The following CLSTN2 variants were observed in gnomAD, a reference collection of about 807,000 sequenced individuals.
CLSTN2 encodes calsyntenin 2.
In CLSTN2, 48 loss-of-function variants were observed where a neutral mutation model predicts 101.2. The ratio of observed to expected loss-of-function variants is 0.47; its 90% CI spans 0.38 to 0.60. The LOEUF is 0.60. CLSTN2 is among the 20% of genes least tolerant of loss of function. The probability of loss-of-function intolerance (pLI) is 0.00; values close to 1 mark genes in which losing one functional copy is unlikely to be tolerated. For missense variants in CLSTN2, 1,160 were observed against 1,238.2 expected (o/e 0.94, Z 0.95); for synonymous variants, 481 against 463.6 (o/e 1.04, Z -0.48).
chr3:139,964,425 A>G (rs1371684732), intron 1 of CLSTN2, among the ~76,000 whole-genome samples: 1 of 152,168 alleles, frequency 6.6e-6, no homozygotes, highest in Non-Finnish European at 1.5e-5. Context: ...AGAGTACATG[A>G]TGATATAAAG....
chr3:139,980,176 C>T (rs1935891244), intron 1 of CLSTN2, among the ~76,000 whole-genome samples: 1 of 152,084 alleles, frequency 6.6e-6, no homozygotes, highest in Non-Finnish European at 1.5e-5. Context: ...AACCTTAAAA[C>T]TCTATTGCCT....
chr3:140,273,236 A>G (rs373963367), intron 2 of CLSTN2, among the ~76,000 whole-genome samples: 24 of 152,214 alleles, frequency 1.6e-4, no homozygotes, highest in South Asian at 6.2e-4. Flanking sequence ...GGGCAGGGAG[A>G]GCATTAGGAC....
intron 2 of CLSTN2, among the ~76,000 whole-genome samples, chr3:140,225,217 AAAG>A (rs1386428697): frequency 6.6e-6 from 1 of 152,168 alleles, no homozygotes; most frequent in Non-Finnish European, 1.5e-5. Flanking sequence ...CTATCCCTGT[AAAG>A]AAGGACTCCT....
At chr3:140,061,859 T>A (rs1264811986) in intron 1 of CLSTN2, among the ~76,000 whole-genome samples, 2 of 152,184 alleles carry the variant, frequency 1.3e-5, no homozygotes, top group Non-Finnish European at 2.9e-5. Flanking sequence ...AAGAGTTAGC[T>A]AAAAGGTCAA....
At chr3:140,519,259 A>G (rs9847030) in intron 8 of CLSTN2, among the ~76,000 whole-genome samples, 1 of 152,216 alleles carries the variant, frequency 6.6e-6, no homozygotes, top group African/African-American at 2.4e-5. Flanking sequence ...TATGTGATCA[A>G]TTCTAGAGGA....
intron 2 of CLSTN2, among the ~76,000 whole-genome samples, chr3:140,294,249 G>C (rs2086982302): frequency 6.6e-6 from 1 of 152,020 alleles, no homozygotes; most frequent in African/African-American, 2.4e-5. Flanking sequence ...AACCTAACAG[G>C]GTAATTACAA....
At chr3:140,234,345 G>A (rs1017835064) in intron 2 of CLSTN2, among the ~76,000 whole-genome samples, 4 of 152,136 alleles carry the variant, frequency 2.6e-5, no homozygotes, top group African/African-American at 4.8e-5. Context: ...AGGCCATTGA[G>A]GGTAGGCTCT....
chr3:140,558,360 G>A (rs943368611), intron 11 of CLSTN2, among the ~76,000 whole-genome samples: 1 of 152,194 alleles, frequency 6.6e-6, no homozygotes, highest in Admixed American at 6.5e-5. Flanking sequence ...TGTTGTCATT[G>A]ATTTCTTTGT....
rs1369661344 is a variant in CLSTN2, at chr3:140,532,220, T to C, written c.1345-104T>C. On this transcript the variant is annotated intron_variant, in intron 8 of 16. Transcript: ENST00000458420. ...TTCCTTGAGTGCTTTGCAATAAAAA[T>C]TGTTGACCCAAAAATGTGTTGTTCT... 3.5e-6 allele frequency: 3 copies of C among 869,300 alleles called. No homozygotes were observed. In the Admixed American group the frequency reaches 7.8e-5, roughly 23 times the overall value. The allele number at this position is 869,300 out of a possible 1,614,324, so 53.8% of individuals were successfully genotyped here. A position where few individuals can be genotyped will look rare whatever the true frequency, so the allele number is the denominator to read the frequency against.
chr3:140,135,115 CACATAT>C (rs1435331899), intron 1 of CLSTN2, among the ~76,000 whole-genome samples: 8 of 52,054 alleles, frequency 1.5e-4, no homozygotes, highest in African/African-American at 4.9e-4. Flanking sequence ...CACACACACA[CACATAT>C]ATATATATAT....
intron 1 of CLSTN2, among the ~76,000 whole-genome samples, chr3:140,075,979 G>A (rs1412536972): frequency 6.6e-6 from 1 of 151,932 alleles, no homozygotes; most frequent in Admixed American, 6.6e-5. Context: ...AATATTCCCT[G>A]TGTGCAATAC....
chr3:139,957,092 C>A (rs1935419764), intron 1 of CLSTN2, among the ~76,000 whole-genome samples: 1 of 152,186 alleles, frequency 6.6e-6, no homozygotes, highest in Non-Finnish European at 1.5e-5. Context: ...TACAGGAGGG[C>A]AACACAGACA....
chr3:140,440,971 G>A (rs964980273), intron 5 of CLSTN2, among the ~76,000 whole-genome samples: 1 of 152,208 alleles, frequency 6.6e-6, no homozygotes. Flanking sequence ...AAGATGGGGC[G>A]CTTCTGAGCA....
rs532418804 is a variant in CLSTN2 at position 140,216,971 on chromosome 3, A to G, written c.232+40898A>G. Among the ~76,000 whole-genome samples, 3 of 152,344 alleles carry G rather than the reference A, an allele frequency of 2.0e-5. No homozygotes were observed. The East Asian group carries it at 5.8e-4, about 29-fold the overall frequency. On this transcript the variant is annotated intron_variant, in intron 2 of 16. Transcript: ENST00000458420. ...AAAAACCCATGCAGTAGACATGGTT[A>G]CTATACCCATTTTACAGATGAGAGA...
intron 1 of CLSTN2, among the ~76,000 whole-genome samples, chr3:140,024,784 T>G (rs969047069): frequency 6.6e-6 from 1 of 152,248 alleles, no homozygotes; most frequent in Non-Finnish European, 1.5e-5. Context: ...TGTCTTGTCA[T>G]TTATAAAATG....
At chr3:140,264,385 T>TAG in intron 2 of CLSTN2, among the ~76,000 whole-genome samples, 1 of 20,736 alleles carries the variant, frequency 4.8e-5, no homozygotes, top group East Asian at 5.5e-4. Flanking sequence ...AATATATATA[T>TAG]ATATATATAT....
chr3:140,513,583 C>T (rs202091180), intron 8 of CLSTN2, among the ~76,000 whole-genome samples: 74 of 117,702 alleles, frequency 6.3e-4, no homozygotes, highest in East Asian at 1.2e-3. Flanking sequence ...TTTTTTCTTT[C>T]TTTTTTTTTT....
chr3:140,197,670 T>A (rs2010663520), intron 2 of CLSTN2, among the ~76,000 whole-genome samples: 1 of 152,098 alleles, frequency 6.6e-6, no homozygotes, highest in South Asian at 2.1e-4. Flanking sequence ...TAATGGGAGA[T>A]TATAGGTTGC....
intron 8 of CLSTN2, among the ~76,000 whole-genome samples, chr3:140,482,022 G>C (rs1934129147): frequency 6.6e-6 from 1 of 152,184 alleles, no homozygotes; most frequent in Non-Finnish European, 1.5e-5. Flanking sequence ...TCCCTGTCCT[G>C]TGCCAGTTTT....
Sources: gnomAD v4.1 joint callset for allele counts (sites outside exome capture counted in the v4.1 genomes callset) on GRCh38, gnomAD v4.1.1 for gene constraint, MANE v1.5 for transcripts, NCBI Gene and HGNC (gene_info 2026-07-23, HGNC 2026-07-21) for gene names.